Variants in INTS13 observed in about 807,000 individuals in gnomAD.
INTS13 encodes the protein integrator complex subunit 13, also known as asunder, spermatogenesis regulator homolog (Drosphila).
In INTS13, 35 loss-of-function variants were observed where a neutral mutation model predicts 90.2. The observed-to-expected ratio is 0.39, with a 90% CI of 0.30 to 0.51. INTS13 has a LOEUF of 0.51. Among genes scored for constraint, INTS13 ranks in the 20% least tolerant of loss-of-function variants. INTS13 has a pLI of 0.80. For synonymous variants in INTS13, 309 were observed against 277.1 expected, an observed-to-expected ratio of 1.11 and a Z score of -1.14; for missense variants, 601 against 851.2, an observed-to-expected ratio of 0.71 and a Z score of 3.66.
intron 15 of INTS13, among the ~76,000 whole-genome samples, chr12:26,908,075 A>G (rs550286945): frequency 2.0e-5 from 3 of 152,322 alleles, no homozygotes; most frequent in South Asian, 4.1e-4. Flanking sequence ...AAAAAAGCCA[A>G]TCTCAAAAGG....
intron 13 of INTS13, 82 bp from the exon 14 acceptor site, chr12:26,913,769 T>C: frequency 1.6e-6 from 2 of 1,276,278 alleles, no homozygotes; most frequent in African/African-American, 3.0e-5. Context: ...AATAATGAAA[T>C]GTGGACTTCC....
intron 8 of INTS13, among the ~76,000 whole-genome samples, chr12:26,918,100 C>T (rs1394190943): frequency 6.6e-6 from 1 of 151,878 alleles, no homozygotes; most frequent in Non-Finnish European, 1.5e-5. Context: ...CCAGCCTAGG[C>T]AACAGAGTGA....
At chr12:26,926,391 A>G (rs1042622256) in intron 5 of INTS13, among the ~76,000 whole-genome samples, 2 of 152,174 alleles carry the variant, frequency 1.3e-5, no homozygotes, top group South Asian at 4.1e-4. Flanking sequence ...TGCTTTCTCT[A>G]TATACTATAC....
chr12:26,911,063 G>T, intron 15 of INTS13, 115 bp downstream of exon 15: 1 of 1,164,956 alleles, frequency 8.6e-7, no homozygotes, highest in Non-Finnish European at 1.2e-6. Context: ...TTGAATTCCT[G>T]ACCTCAGGTG....
At chr12:26,922,522 G>T in intron 8 of INTS13, 94 bp downstream of exon 8, 2 of 844,988 alleles carry the variant, frequency 2.4e-6, no homozygotes, top group Non-Finnish European at 3.6e-6. Flanking sequence ...ATCCACTGGG[G>T]GTCTTGGAAT....
At chr12:26,929,084 GATTTATTCTAGGAATGCAAAGTTT>G in intron 3 of INTS13, 179 bp from the exon 4 acceptor site, 1 of 567,492 alleles carries the variant, frequency 1.8e-6, no homozygotes, top group Non-Finnish European at 3.1e-6. Flanking sequence ...GAACAAGTGG[GATTTATTCTAGGAATGCAAAGTTT>G]ATTTAATATG....
Position 26,916,141 on chromosome 12 carries a change from G to C in INTS13, c.1109C>G (p.Ser370Cys). The C allele has an allele frequency of 6.2e-7, 1 of 1,613,048 alleles. No individual in the cohort carries two copies. Among genetic ancestry groups the C allele is most frequent in the Non-Finnish European group, 8.5e-7 (1 of 1,179,600 alleles). ...VLLEQPRKSG[S>C]KVISHMLSSH... ...ACTAAGCATATGACTAATGACTTTA[G>C]AACCTGACTTTCGTGGTTGTTCCAA... The change falls in exon 11 of 17, where the codon TCT becomes TGT. Residue 370 changes from serine (S) to cysteine (C), a missense_variant. Physicochemically the swap from Ser to Cys is moderately radical, Grantham distance 112. Coordinates refer to ENST00000261191, the MANE Select transcript of INTS13 (RefSeq NM_018164.3).
intron 8 of INTS13, 65 bp downstream of exon 8, chr12:26,922,551 G>A (rs1267411827): frequency 3.3e-6 from 4 of 1,228,304 alleles, no homozygotes; most frequent in Non-Finnish European, 3.4e-6. Context: ...TGAGGATGTG[G>A]GGGCTACTGT....
chr12:26,924,797 T>G (rs980936206), intron 6 of INTS13, among the ~76,000 whole-genome samples: 2 of 152,158 alleles, frequency 1.3e-5, no homozygotes, highest in Non-Finnish European at 2.9e-5. Flanking sequence ...TCTTTACAAT[T>G]TTTACGTCTT....
Position 26,917,431 on chromosome 12 carries a change from A to G in INTS13, c.990T>C (p.Tyr330=), listed in dbSNP as rs1470384561. 3 of 1,536,660 alleles carry G rather than the reference A, an allele frequency of 2.0e-6. No homozygotes were observed. The highest frequency in any genetic ancestry group is 2.3e-5 in the East Asian group (1 of 44,404). ...GTGAAATCCGATAAGCTCCAGTACAATAGTGTAATTCTGAAATAGAAGAAA... is the reference window on the plus strand; with the variant it reads ...GTGAAATCCGATAAGCTCCAGTACAGTAGTGTAATTCTGAAATAGAAGAAA... The part of the protein sequence containing the change: ...TPRTNNIELH[Y]CTGAYRISPV... Residue 330 remains tyrosine, a synonymous_variant, in exon 10 of 17, where the codon TAT becomes TAC. Transcript: ENST00000261191.
intron 7 of INTS13, among the ~76,000 whole-genome samples, chr12:26,923,527 A>ATTT (rs944245301): frequency 2.0e-5 from 3 of 152,200 alleles, no homozygotes; most frequent in Non-Finnish European, 2.9e-5. Flanking sequence ...GCTACCTTAT[A>ATTT]TTTGTAAACA....
At chr12:26,911,711 C>T (rs979674159) in intron 14 of INTS13, among the ~76,000 whole-genome samples, 1 of 152,172 alleles carries the variant, frequency 6.6e-6, no homozygotes, top group African/African-American at 2.4e-5. Flanking sequence ...CCCATTTATT[C>T]TCTAGTCTAT....
chr12:26,921,802 C>T (rs920949749), intron 8 of INTS13, among the ~76,000 whole-genome samples: 1 of 152,152 alleles, frequency 6.6e-6, no homozygotes, highest in African/African-American at 2.4e-5. Flanking sequence ...ACTACAGGTA[C>T]ACGCCACCAC....
At chr12:26,934,213 G>T (rs1013742489) in intron 3 of INTS13, among the ~76,000 whole-genome samples, 4 of 152,200 alleles carry the variant, frequency 2.6e-5, no homozygotes, top group Non-Finnish European at 5.9e-5. Context: ...AGAGGTTGCA[G>T]TGAGCCGAGA....
chr12:26,915,214 G>A (rs747597464), intron 11 of INTS13, among the ~76,000 whole-genome samples: 17 of 152,072 alleles, frequency 1.1e-4, no homozygotes, highest in South Asian at 4.1e-4. Context: ...CAACAAGAGC[G>A]AAACTCTGTC....
At chr12:26,912,838 G>A (rs532972765) in intron 14 of INTS13, among the ~76,000 whole-genome samples, 6 of 151,560 alleles carry the variant, frequency 4.0e-5, no homozygotes, top group African/African-American at 1.2e-4. Flanking sequence ...CGTGATTCTC[G>A]TGCCTCAGCC....
chr12:26,914,881 C>T (rs1951884649), intron 11 of INTS13, among the ~76,000 whole-genome samples: 1 of 152,096 alleles, frequency 6.6e-6, no homozygotes, highest in South Asian at 2.1e-4. Flanking sequence ...TTCTATCACA[C>T]ACAGATAAAA....
chr12:26,922,890 TG>T (rs1183281776), intron 7 of INTS13, among the ~76,000 whole-genome samples, 190 bp from the exon 8 acceptor site: 1 of 152,150 alleles, frequency 6.6e-6, no homozygotes, highest in Admixed American at 6.6e-5. Flanking sequence ...AAAAAACAAC[TG>T]GCAATATACA....
chr12:26,930,438 T>C (rs947404331), intron 3 of INTS13, among the ~76,000 whole-genome samples: 4 of 152,182 alleles, frequency 2.6e-5, no homozygotes, highest in African/African-American at 4.8e-5. Flanking sequence ...TGGCACAAGA[T>C]AGACATAGAG....
Sources: gnomAD v4.1 joint callset for allele counts (sites outside exome capture counted in the v4.1 genomes callset) on GRCh38, gnomAD v4.1.1 for gene constraint, MANE v1.5 for transcripts, NCBI Gene and HGNC (gene_info 2026-07-23, HGNC 2026-07-21) for gene names.